SPEF2: variants seen among roughly 807,000 people sequenced by gnomAD.
SPEF2 encodes the protein sperm flagellar and cilia associated 2.
In SPEF2, 187 loss-of-function variants were observed where a neutral mutation model predicts 224.6. The observed-to-expected ratio is 0.83, with a 90% CI of 0.74 to 0.94. The LOEUF (loss-of-function observed/expected upper bound fraction) is 0.94, where lower values mean the gene tolerates loss of function less well. Among genes scored for constraint, SPEF2 ranks in the 40% least tolerant of loss-of-function variants. SPEF2 has a pLI of 0.00. For synonymous variants in SPEF2, 715 were observed against 707.3 expected, an observed-to-expected ratio of 1.01 and a Z score of -0.17; for missense variants, 2,170 against 2,135.6, an observed-to-expected ratio of 1.02 and a Z score of -0.32.
At chr5:35,636,040 A>G (rs1219958415) in intron 2 of SPEF2, among the ~76,000 whole-genome samples, 6 of 152,150 alleles carry the variant, frequency 3.9e-5, no homozygotes, top group African/African-American at 1.4e-4. Context: ...GACATTTAAA[A>G]TAATATAATG....
chr5:35,672,793 A>G (rs1234481926), intron 10 of SPEF2, among the ~76,000 whole-genome samples: 1 of 152,194 alleles, frequency 6.6e-6, no homozygotes, highest in African/African-American at 2.4e-5. Context: ...ATTGATGTCC[A>G]TACCCTATAC....
intron 9 of SPEF2, among the ~76,000 whole-genome samples, chr5:35,668,249 A>G (rs1750789561): frequency 6.6e-6 from 1 of 152,170 alleles, no homozygotes; most frequent in Non-Finnish European, 1.5e-5. Flanking sequence ...CTTAAAACTG[A>G]TAACAATCCA....
intron 20 of SPEF2, among the ~76,000 whole-genome samples, chr5:35,724,211 CTT>C (rs886687369): frequency 1.8e-4 from 27 of 152,276 alleles, no homozygotes; most frequent in Non-Finnish European, 1.5e-4. Context: ...CCTCTTCACT[CTT>C]TGGAGAATAT....
At chr5:35,643,949 C>T (rs1432726133) in intron 3 of SPEF2, among the ~76,000 whole-genome samples, 1 of 152,008 alleles carries the variant, frequency 6.6e-6, no homozygotes, top group Non-Finnish European at 1.5e-5. Context: ...TGTTTCTTCA[C>T]TTTTTACTAA....
chr5:35,720,202 A>T (rs1193617369), intron 20 of SPEF2, among the ~76,000 whole-genome samples: 1 of 152,218 alleles, frequency 6.6e-6, no homozygotes, highest in Non-Finnish European at 1.5e-5. Context: ...AGAAACAAAC[A>T]TGCTCCAAAT....
chr5:35,641,412 A>G lies in SPEF2; in HGVS notation c.162-19A>G. On this transcript the variant is annotated intron_variant, in intron 2 of 36. Transcript: ENST00000356031. Reference sequence around the variant, plus strand: ...ATTTAATGCTAATGTCTAATTATGTAAAATATTTTACTGTCCAGGGTTTCA... The same window carrying G: ...ATTTAATGCTAATGTCTAATTATGTGAAATATTTTACTGTCCAGGGTTTCA... The G allele has an allele frequency of 1.9e-6, 3 of 1,593,104 alleles. No individual in the cohort carries two copies. Among genetic ancestry groups the G allele is most frequent in the Non-Finnish European group, 2.6e-6 (3 of 1,171,034 alleles).
At chr5:35,725,821 A>G (rs762277443) in intron 20 of SPEF2, among the ~76,000 whole-genome samples, 6 of 152,064 alleles carry the variant, frequency 3.9e-5, no homozygotes, top group Non-Finnish European at 7.4e-5. Context: ...TTGCAGTGCC[A>G]TGGGTTTCTG....
At chr5:35,676,070 A>G in intron 10 of SPEF2, 1 of 451,374 alleles carries the variant, frequency 2.2e-6, no homozygotes. Flanking sequence ...GAATTGAGAA[A>G]TGGTTTCCAA....
chr5:35,734,709 C>CTTTTTTTTTTTTTTTTTTTT (rs869188623), intron 21 of SPEF2, among the ~76,000 whole-genome samples: 1 of 31,198 alleles, frequency 3.2e-5, no homozygotes, highest in African/African-American at 1.1e-4. Flanking sequence ...TCTTTTTTTT[C>CTTTTTTTTTTTTTTTTTTTT]TTTTTTTTTT....
At chr5:35,757,695 A>G (rs1201709742) in intron 24 of SPEF2, among the ~76,000 whole-genome samples, 2 of 152,182 alleles carry the variant, frequency 1.3e-5, no homozygotes, top group Non-Finnish European at 2.9e-5. Context: ...ATTTGTTCAT[A>G]CATGAATATT....
At chr5:35,695,342 G>C (rs1050497508) in intron 13 of SPEF2, among the ~76,000 whole-genome samples, 2 of 149,746 alleles carry the variant, frequency 1.3e-5, no homozygotes, top group Non-Finnish European at 3.0e-5. Flanking sequence ...ATGTTTATCT[G>C]TAACTTGGTA....
At chr5:35,669,174 T>C (rs769423093) in intron 9 of SPEF2, among the ~76,000 whole-genome samples, 1 of 152,154 alleles carries the variant, frequency 6.6e-6, no homozygotes, top group Non-Finnish European at 1.5e-5. Context: ...ATATTTGTCC[T>C]TTTTCTGTCT....
chr5:35,807,734 A>G (rs1472503750), intron 36 of SPEF2: 2 of 1,536,082 alleles, frequency 1.3e-6, no homozygotes, highest in Non-Finnish European at 8.7e-7. Flanking sequence ...GAAACTAAGG[A>G]CAAACCCCAG....
intron 1 of SPEF2, among the ~76,000 whole-genome samples, chr5:35,624,069 T>C (rs1044060652): frequency 2.6e-5 from 4 of 152,224 alleles, no homozygotes; most frequent in African/African-American, 7.2e-5. Flanking sequence ...CTTATCACCA[T>C]GTGGAATGTG....
chr5:35,741,027 A>G (rs578213847), intron 23 of SPEF2, among the ~76,000 whole-genome samples: 7 of 152,292 alleles, frequency 4.6e-5, no homozygotes, highest in Non-Finnish European at 1.0e-4. Flanking sequence ...TGCCCCATTC[A>G]TTTGGTCAAT....
intron 30 of SPEF2, among the ~76,000 whole-genome samples, chr5:35,783,647 T>G (rs904734918): frequency 1.1e-4 from 16 of 152,170 alleles, no homozygotes; most frequent in Admixed American, 8.5e-4. Context: ...TACCCCTGAG[T>G]GCTTCCAAAA....
In SPEF2 at chr5:35,753,671, G is replaced by A. The variant is rs760419392; in HGVS notation, c.3378G>A (p.Glu1126=). The A allele has an allele frequency of 6.2e-7, 1 of 1,614,202 alleles. No individual in the cohort carries two copies. Among genetic ancestry groups the A allele is most frequent in the Non-Finnish European group, 8.5e-7 (1 of 1,180,020 alleles). The stretch of plus-strand genomic sequence containing the variant: ...ACATTTGTGATGCCCGGAAGGAAGA[G>A]GCGGAGCAGGAGCGGCTTGACATCA... ...LWDICDARKE[E]AEQERLDIIN... The change falls in exon 24 of 37, where the codon GAG becomes GAA. Residue 1126 remains glutamate, a synonymous_variant. Transcript: ENST00000356031.
In SPEF2 at chr5:35,617,897, AG is replaced by A; in HGVS notation, c.-100del. ...AGTTCCAGCCTGGATACGCTTCCAT[AG>A]CAAAGGGTTGCCCTTGGCTACAGGA... On this transcript the variant is annotated 5_prime_UTR_variant, in exon 1 of 37. Coordinates refer to ENST00000356031, the MANE Select transcript of SPEF2 (RefSeq NM_024867.4). The A allele has an allele frequency of 8.6e-7, 1 of 1,159,192 alleles. No individual in the cohort carries two copies. The highest frequency in any genetic ancestry group is 1.3e-6 in the Non-Finnish European group (1 of 789,488). The allele number at this position is 1,159,192 out of a possible 1,614,324, so 71.8% of individuals were successfully genotyped here.
chr5:35,707,969 T>G (rs1740147553), intron 18 of SPEF2, among the ~76,000 whole-genome samples: 1 of 152,210 alleles, frequency 6.6e-6, no homozygotes, highest in Non-Finnish European at 1.5e-5. Flanking sequence ...AACTCTTGTA[T>G]AAATTAACTT....
Sources: allele counts gnomAD v4.1 joint callset (sites outside exome capture counted in the v4.1 genomes callset), GRCh38; gene constraint gnomAD v4.1.1; transcripts MANE v1.5; gene names NCBI Gene and HGNC (gene_info 2026-07-23, HGNC 2026-07-21).